TUBGCP2: variants seen among roughly 807,000 people sequenced by gnomAD.
The protein encoded by TUBGCP2 is gamma-tubulin complex component 2.
A neutral mutation model predicts 92.2 loss-of-function variants in TUBGCP2; 55 were observed. The ratio of observed to expected loss-of-function variants is 0.60; its 90% confidence interval spans 0.48 to 0.75. The LOEUF is 0.75. Ranked by LOEUF, TUBGCP2 falls within the 30% of genes least tolerant of loss-of-function variation. TUBGCP2 has a pLI of 0.00. For missense variants in TUBGCP2, 1,093 were observed against 1,188.9 expected (o/e 0.92, Z 1.19); for synonymous variants, 533 against 505.2 (o/e 1.06, Z -0.74).
chr10:133,305,312 C>T (rs1284287400), intron 1 of TUBGCP2, among the ~76,000 whole-genome samples: 3 of 152,238 alleles, frequency 2.0e-5, no homozygotes, highest in East Asian at 3.9e-4. Context: ...GCCTCGGCTA[C>T]GTAACAGGGA....
chr10:133,311,975 G>C (rs139846723), upstream of TUBGCP2: 1 of 1,609,724 alleles, frequency 6.2e-7, no homozygotes, highest in Non-Finnish European at 8.5e-7. Flanking sequence ...ATCGGCTTCC[G>C]CCAGAGAAGA....
At chr10:133,280,056 A>T (rs1433209860) in intron 17 of TUBGCP2, among the ~76,000 whole-genome samples, 155 bp from the exon 18 acceptor site, 2 of 152,010 alleles carry the variant, frequency 1.3e-5, no homozygotes, top group Non-Finnish European at 2.9e-5. Flanking sequence ...GAGCTGGGGC[A>T]CACACTCCTT....
chr10:133,285,559 T>C lies in TUBGCP2; in HGVS notation c.1792A>G (p.Lys598Glu). The C allele has an allele frequency of 6.4e-7, 1 of 1,572,618 alleles. No homozygotes were observed. The stretch of plus-strand genomic sequence containing the variant: ...GTGGGGTCGGCGTGCGCCATCGCCT[T>C]CTCCTGCTTGGTCTCGATGGCCAGG... ...RVLAIETKQE[K>E]AMAHADPTEL... The change falls in exon 12 of 18, where the codon AAG (lysine) becomes GAG (glutamate). Residue 598 changes from lysine to glutamate, a missense_variant. Physicochemically the swap from Lys to Glu is moderately conservative, Grantham distance 56. Transcript: ENST00000252936. This position sits in a 1 kb window ranked among gnomAD's most constrained non-coding sequence, Gnocchi z 6.8.
upstream of TUBGCP2, chr10:133,308,958 C>G (rs1468048117): frequency 5.7e-6 from 7 of 1,238,486 alleles, no homozygotes; most frequent in South Asian, 3.9e-5. Flanking sequence ...AGTTGCCCCC[C>G]GCGCTGTGCG....
At chr10:133,279,966 G>A in intron 17 of TUBGCP2, 65 bp from the exon 18 acceptor site, 1 of 1,567,064 alleles carries the variant, frequency 6.4e-7, no homozygotes, top group Non-Finnish European at 8.6e-7. Flanking sequence ...GGGCAGCAGG[G>A]GTGTGGAAGG....
At chr10:133,300,271 TTG>T (rs1847611472) in intron 2 of TUBGCP2, 158 bp from the exon 3 acceptor site, 1 of 909,886 alleles carries the variant, frequency 1.1e-6, no homozygotes, top group African/African-American at 1.7e-5. Flanking sequence ...CATCTCCATA[TTG>T]TGTTAAACTT....
At chr10:133,297,263 G>T (rs570814617) in intron 5 of TUBGCP2, 2 of 328,248 alleles carry the variant, frequency 6.1e-6, no homozygotes, top group African/African-American at 2.3e-5. Context: ...TTAGCCAGGC[G>T]TGGTGGCGCC....
chr10:133,301,151 G>A (rs753573924), intron 2 of TUBGCP2, among the ~76,000 whole-genome samples: 5 of 152,048 alleles, frequency 3.3e-5, no homozygotes, highest in East Asian at 1.9e-4. Flanking sequence ...TCTTTTGGAC[G>A]GAGTTTCGCT....
intron 9 of TUBGCP2, among the ~76,000 whole-genome samples, chr10:133,289,596 AGAT>A (rs1357368851): frequency 6.6e-6 from 1 of 152,226 alleles, no homozygotes; most frequent in Non-Finnish European, 1.5e-5. Flanking sequence ...AGAGTCCCGG[AGAT>A]GGAAACCTGA....
At position 133,292,669 on chromosome 10, in the gene TUBGCP2, G is replaced by A. The variant is rs147567537; in HGVS notation, c.1044C>T (p.Gly348=). ...LASLATSVDK[G]ECLGGSTLSL... ...TCAGCGTGGACCCCCCAAGACATTC[G>A]CCTTTGTCCACCGAGGTGGCTGTGG... is the stretch of plus-strand genomic sequence containing the variant. The change falls in exon 8 of 18, where the codon GGC becomes GGT. Residue 348 remains glycine, a synonymous_variant. Transcript: ENST00000252936. The A allele has an allele frequency of 1.3e-4, 202 of 1,613,702 alleles. No individual in the cohort carries two copies. Among genetic ancestry groups the A allele is most frequent in the African/African-American group, 9.5e-4 (71 of 75,010 alleles).
At chr10:133,308,995 G>C, upstream of TUBGCP2, 3 of 1,247,696 alleles carry the variant, frequency 2.4e-6, no homozygotes, top group Non-Finnish European at 3.0e-6. Context: ...GCCCGGGGCG[G>C]CGGAGCCGCT....
At chr10:133,300,267 C>A (rs548542582) in intron 2 of TUBGCP2, 154 bp from the exon 3 acceptor site, 1 of 918,772 alleles carries the variant, frequency 1.1e-6, no homozygotes, top group Non-Finnish European at 1.6e-6. Context: ...AACTCATCTC[C>A]ATATTGTGTT....
upstream of TUBGCP2, chr10:133,309,959 G>T (rs1187432218): frequency 1.2e-6 from 2 of 1,613,198 alleles, no homozygotes; most frequent in Admixed American, 3.3e-5. Context: ...TCCAGATCCT[G>T]TCTGAGAGGC....
chr10:133,284,068 CACGGAGG>C (rs1847066076), intron 13 of TUBGCP2, 66 bp from the exon 14 acceptor site: 5 of 1,585,736 alleles, frequency 3.2e-6, no homozygotes, highest in South Asian at 2.3e-5. Context: ...CACCAAGTGA[CACGGAGG>C]ACGGAGGACA....
chr10:133,301,777 A>AT (rs1491163399), intron 2 of TUBGCP2: 1 of 121,382 alleles, frequency 8.2e-6, no homozygotes, highest in Non-Finnish European at 1.6e-5. Context: ...CAGTGGCACG[A>AT]TATCTCGGCT....
chr10:133,309,063 C>G (rs554830924), upstream of TUBGCP2: 32 of 1,294,046 alleles, frequency 2.5e-5, no homozygotes, highest in Admixed American at 7.9e-4. Flanking sequence ...TTGCGCGCCC[C>G]GTGCGCTTCC....
rs1847897089 is a variant in TUBGCP2 at position 133,308,830 on chromosome 10, C to G, written c.-47G>C. ...CGTTCGGCCAGGACTCACCGCAGTCCCGGAGCCACAGCCCCCGCGCAGCCC... is the reference window on the plus strand; with the variant it reads ...CGTTCGGCCAGGACTCACCGCAGTCGCGGAGCCACAGCCCCCGCGCAGCCC... On this transcript the variant is annotated 5_prime_UTR_variant, in exon 1 of 18. Transcript: ENST00000252936. 2 of 948,106 alleles carry G rather than the reference C, an allele frequency of 2.1e-6. No homozygotes were observed. The highest frequency in any genetic ancestry group is 3.9e-4 in the Middle Eastern group (1 of 2,562). The allele number at this position is 948,106 out of a possible 1,614,324, so 58.7% of individuals were successfully genotyped here.
chr10:133,293,024 C>CG lies in TUBGCP2; in HGVS notation c.1024+14dup. 3.7e-6 allele frequency: 6 copies of CG among 1,611,148 alleles called. No individual in the cohort carries two copies. The highest frequency in any genetic ancestry group is 5.1e-6 in the Non-Finnish European group (6 of 1,179,246). ...CCACCCACCACTGCCCCATGCCCCC[C>CG]GGGCGGGCACGCACCGAGGGAGGCC... On this transcript the variant is annotated intron_variant, in intron 7 of 17. Transcript: ENST00000252936.
chr10:133,287,269 C>A (rs538297942), intron 11 of TUBGCP2, among the ~76,000 whole-genome samples: 1 of 152,258 alleles, frequency 6.6e-6, no homozygotes, highest in South Asian at 2.1e-4. Flanking sequence ...AAGTCTCCAA[C>A]AAAGACAAAC....
Sources: gnomAD v4.1 joint callset for allele counts (sites outside exome capture counted in the v4.1 genomes callset) on GRCh38, gnomAD v4.1.1 for gene constraint, Gnocchi (gnomAD v3.1) non-coding constraint, MANE v1.5 for transcripts, NCBI Gene and HGNC (gene_info 2026-07-23, HGNC 2026-07-21) for gene names.